Variants in KCNJ6 observed in about 807,000 individuals in gnomAD.
The protein encoded by KCNJ6 is potassium inwardly rectifying channel subfamily J member 6, also known as G protein-activated inward rectifier potassium channel 2.
In KCNJ6, 9 loss-of-function variants were observed where a neutral mutation model predicts 34.2. The observed-to-expected ratio is 0.26, with a 90% confidence interval of 0.16 to 0.46. The LOEUF (loss-of-function observed/expected upper bound fraction) is 0.46. Among genes scored for constraint, KCNJ6 ranks in the 20% least tolerant of loss-of-function variants. The pLI is 1.00. For missense variants in KCNJ6, 236 were observed against 531.3 expected, an observed-to-expected ratio of 0.44 and a Z score of 5.46; for synonymous variants, 196 against 207.1, an observed-to-expected ratio of 0.95 and a Z score of 0.46.
intron 1 of KCNJ6, among the ~76,000 whole-genome samples, chr21:37,865,290 C>T (rs768128619): frequency 7.2e-5 from 11 of 152,252 alleles, no homozygotes; most frequent in East Asian, 3.9e-4. Context: ...TCACTTGATA[C>T]GAAAAACAGA....
At chr21:37,703,190 G>A (rs2054700602) in intron 3 of KCNJ6, among the ~76,000 whole-genome samples, 1 of 152,150 alleles carries the variant, frequency 6.6e-6, no homozygotes, top group Non-Finnish European at 1.5e-5. Context: ...GAACTATTAG[G>A]AAAAATTGGT....
chr21:37,824,245 G>C (rs2055388256), intron 2 of KCNJ6, among the ~76,000 whole-genome samples: 1 of 152,140 alleles, frequency 6.6e-6, no homozygotes, highest in South Asian at 2.1e-4. Context: ...ATTCCTATAG[G>C]CCAAGTCCTT....
At chr21:37,863,827 G>A (rs1455672129) in intron 1 of KCNJ6, among the ~76,000 whole-genome samples, 1 of 125,690 alleles carries the variant, frequency 8.0e-6, no homozygotes, top group Non-Finnish European at 1.6e-5. Context: ...GTCTCTTTAA[G>A]CAATTTTAAA....
intron 3 of KCNJ6, among the ~76,000 whole-genome samples, chr21:37,709,933 C>A (rs2054742456): frequency 6.6e-6 from 1 of 152,202 alleles, no homozygotes; most frequent in Non-Finnish European, 1.5e-5. Context: ...CAGATGGCAA[C>A]TTCCGATTAA....
At chr21:37,704,113 A>G (rs893677273) in intron 3 of KCNJ6, among the ~76,000 whole-genome samples, 2 of 152,212 alleles carry the variant, frequency 1.3e-5, no homozygotes, top group African/African-American at 4.8e-5. Flanking sequence ...CAGGGTCTGC[A>G]GGCCATGCTG....
chr21:37,915,295 A>G (rs1379170294), intron 1 of KCNJ6, among the ~76,000 whole-genome samples: 2 of 152,192 alleles, frequency 1.3e-5, no homozygotes, highest in Non-Finnish European at 2.9e-5. Context: ...GTTTACTCCT[A>G]GGAAGATCTT....
At chr21:37,666,251 G>T (rs1242396758) in intron 3 of KCNJ6, among the ~76,000 whole-genome samples, 3 of 152,264 alleles carry the variant, frequency 2.0e-5, no homozygotes, top group Admixed American at 1.3e-4. Flanking sequence ...CCCTAGTTCT[G>T]GCTTCCTGTT....
chr21:37,670,661 G>T (rs975330398), intron 3 of KCNJ6, among the ~76,000 whole-genome samples: 1 of 152,178 alleles, frequency 6.6e-6, no homozygotes, highest in Non-Finnish European at 1.5e-5. Flanking sequence ...GCTACTTGGA[G>T]GGCTGAGGTG....
At chr21:37,911,245 T>C (rs1226802874) in intron 1 of KCNJ6, among the ~76,000 whole-genome samples, 1 of 152,192 alleles carries the variant, frequency 6.6e-6, no homozygotes, top group African/African-American at 2.4e-5. Context: ...CTTCAAAATG[T>C]ATTTTTATCC....
intron 2 of KCNJ6, among the ~76,000 whole-genome samples, chr21:37,782,919 T>TAA (rs1220389128): frequency 1.3e-5 from 2 of 152,174 alleles, no homozygotes; most frequent in African/African-American, 4.8e-5. Flanking sequence ...GGTTGCCCCA[T>TAA]CTTGACTCAC....
In KCNJ6 at chr21:37,610,375, G is replaced by A. The variant is rs2054238542; in HGVS notation, c.*14784C>T. ...ACATTTAAAAGAATAGAAATTCTCA[G>A]ATCACTTGGGATCAGGAGTTCAAGA... On this transcript the variant is annotated 3_prime_UTR_variant, in exon 4 of 4. Coordinates refer to ENST00000609713, the MANE Select transcript of KCNJ6 (RefSeq NM_002240.5). 6.6e-6 allele frequency: 1 copy of A among 152,076 alleles called. No homozygotes were observed. Among genetic ancestry groups the A allele is most frequent in the Non-Finnish European group, 1.5e-5 (1 of 68,024 alleles). The allele number at this position is 152,076 out of a possible 1,614,324, so 9.4% of individuals were successfully genotyped here.
Position 37,614,865 on chromosome 21 carries a change from G to A in KCNJ6, c.*10294C>T, listed in dbSNP as rs1218205709. 1.3e-5 allele frequency: 2 copies of A among 150,422 alleles called. No individual in the cohort carries two copies. The highest frequency in any genetic ancestry group is 4.9e-5 in the African/African-American group (2 of 41,088). The allele number at this position is 150,422 out of a possible 1,614,324, so 9.3% of individuals were successfully genotyped here. A position where few individuals can be genotyped will look rare whatever the true frequency, so the allele number is the denominator to read the frequency against. ...GAGAGGGTGCTTATATTGTTACTGT[G>A]TTACTTATGAAGGACTGGGGACATT... On this transcript the variant is annotated 3_prime_UTR_variant, in exon 4 of 4. Transcript: ENST00000609713.
At chr21:37,830,473 C>T (rs1372656588) in intron 2 of KCNJ6, among the ~76,000 whole-genome samples, 2 of 152,126 alleles carry the variant, frequency 1.3e-5, no homozygotes, top group African/African-American at 4.8e-5. Flanking sequence ...TGTCTGAAGT[C>T]ACCTTGTTGT....
intron 2 of KCNJ6, among the ~76,000 whole-genome samples, chr21:37,778,203 T>C (rs549436330): frequency 6.6e-6 from 1 of 152,336 alleles, no homozygotes; most frequent in South Asian, 2.1e-4. Context: ...GACTAGGGTA[T>C]GATTCTGTCC....
chr21:37,703,913 T>G (rs976374283), intron 3 of KCNJ6, among the ~76,000 whole-genome samples: 1 of 152,236 alleles, frequency 6.6e-6, no homozygotes, highest in Admixed American at 6.5e-5. Context: ...TTTTGCTAAT[T>G]CATCCACCAA....
At chr21:37,666,038 A>G (rs890179342) in intron 3 of KCNJ6, among the ~76,000 whole-genome samples, 2 of 152,198 alleles carry the variant, frequency 1.3e-5, no homozygotes, top group African/African-American at 2.4e-5. Flanking sequence ...ACCCACAGCC[A>G]CCCTGAAACC....
At chr21:37,682,932 G>A in intron 3 of KCNJ6, among the ~76,000 whole-genome samples, 2 of 152,178 alleles carry the variant, frequency 1.3e-5, no homozygotes, top group Non-Finnish European at 2.9e-5. Context: ...GGAACACAGG[G>A]CTGCTTCAGG....
At chr21:37,845,974 G>A (rs779581376) in intron 1 of KCNJ6, among the ~76,000 whole-genome samples, 3 of 152,022 alleles carry the variant, frequency 2.0e-5, no homozygotes, top group Admixed American at 1.3e-4. Flanking sequence ...CACATCAAAC[G>A]TTTGGGGTAA....
At chr21:37,766,955 C>T (rs529102577) in intron 2 of KCNJ6, among the ~76,000 whole-genome samples, 12 of 152,288 alleles carry the variant, frequency 7.9e-5, no homozygotes, top group African/African-American at 2.4e-4. Flanking sequence ...CAGTTTCATT[C>T]CCAAACCACC....
Sources: gnomAD v4.1 joint callset for allele counts (sites outside exome capture counted in the v4.1 genomes callset) on GRCh38, gnomAD v4.1.1 for gene constraint, MANE v1.5 for transcripts, NCBI Gene and HGNC (gene_info 2026-07-23, HGNC 2026-07-21) for gene names.